ATP6V1C1: variants seen among roughly 807,000 people sequenced by gnomAD.
ATP6V1C1 encodes V-type proton ATPase subunit C 1.
A neutral mutation model predicts 53.9 loss-of-function variants in ATP6V1C1; 45 were observed. The observed-to-expected ratio is 0.83, with a 90% confidence interval of 0.66 to 1.07. The LOEUF is 1.07. Ranked by LOEUF, ATP6V1C1 falls within the 50% of genes least tolerant of loss-of-function variation. ATP6V1C1 has a pLI of 0.00. For synonymous variants in ATP6V1C1, 153 were observed against 155.2 expected (o/e 0.99, Z 0.11); for missense variants, 315 against 440.3 (o/e 0.72, Z 2.55).
At position 103,063,160 on chromosome 8, in the gene ATP6V1C1, A is replaced by G; in HGVS notation, c.760A>G (p.Asn254Asp). The change falls in exon 10 of 13, where the codon AAT becomes GAT. Residue 254 changes from asparagine to aspartate, a missense_variant. Transcript: ENST00000518738. ...ATTCATTGTTCGTGACTTCCAGTATAATGAAGAGGAGATGAAAGCAGATAA... is the reference window on the plus strand; with the variant it reads ...ATTCATTGTTCGTGACTTCCAGTATGATGAAGAGGAGATGAAAGCAGATAA... ...NKFIVRDFQY[N>D]EEEMKADKEE... The G allele has an allele frequency of 6.2e-7, 1 of 1,613,286 alleles. No individual in the cohort carries two copies. The highest frequency in any genetic ancestry group is 8.5e-7 in the Non-Finnish European group (1 of 1,179,612).
chr8:103,068,434 T>G (rs1184757483), intron 12 of ATP6V1C1, among the ~76,000 whole-genome samples: 2 of 152,202 alleles, frequency 1.3e-5, no homozygotes, highest in African/African-American at 4.8e-5. Context: ...GAACCTGGCT[T>G]TACCACTCAC....
At chr8:103,063,113 G>GTTT in intron 9 of ATP6V1C1, 22 bp from the exon 10 acceptor site, 1 of 1,606,934 alleles carries the variant, frequency 6.2e-7, no homozygotes, top group Non-Finnish European at 8.5e-7. Flanking sequence ...GAACAATTTT[G>GTTT]TTTTTTTTCC....
At chr8:103,032,901 C>CT (rs1189077212) in intron 1 of ATP6V1C1, among the ~76,000 whole-genome samples, 1 of 152,100 alleles carries the variant, frequency 6.6e-6, no homozygotes, top group Non-Finnish European at 1.5e-5. Flanking sequence ...CATAGAATCT[C>CT]TATTCTTAGT....
At chr8:103,062,900 T>G (rs561275244) in intron 8 of ATP6V1C1, 55 bp from the exon 9 acceptor site, 2 of 1,517,920 alleles carry the variant, frequency 1.3e-6, no homozygotes, top group Non-Finnish European at 1.8e-6. Context: ...TTGCCCTTAA[T>G]ATGAAAGACA....
chr8:103,021,762 A>G (rs892680954), intron 1 of ATP6V1C1, among the ~76,000 whole-genome samples: 2 of 152,162 alleles, frequency 1.3e-5, no homozygotes, highest in Admixed American at 1.3e-4. Flanking sequence ...AGGAATCCAG[A>G]GAACTCAACT....
chr8:103,042,449 A>G (rs1586315280), intron 3 of ATP6V1C1, 42 bp downstream of exon 3: 1 of 1,577,582 alleles, frequency 6.3e-7, no homozygotes, highest in African/African-American at 1.4e-5. Context: ...AATGGGAGAC[A>G]CTATTATCAG....
intron 1 of ATP6V1C1, among the ~76,000 whole-genome samples, chr8:103,038,906 TCTG>T (rs1816944930): frequency 1.3e-5 from 2 of 152,234 alleles, no homozygotes; most frequent in African/African-American, 4.8e-5. Context: ...TGTGCTGTTC[TCTG>T]ACCAGACGGG....
At chr8:103,026,103 G>A (rs1313104899) in intron 1 of ATP6V1C1, among the ~76,000 whole-genome samples, 1 of 152,236 alleles carries the variant, frequency 6.6e-6, no homozygotes. Context: ...CAGAGGAGGA[G>A]TCTCTAGAAG....
At chr8:103,033,865 A>G (rs985814020) in intron 1 of ATP6V1C1, among the ~76,000 whole-genome samples, 1 of 152,246 alleles carries the variant, frequency 6.6e-6, no homozygotes, top group Non-Finnish European at 1.5e-5. Context: ...GTTGGCTGCT[A>G]TGAACATTTG....
chr8:103,042,450 C>G (rs746705001), intron 3 of ATP6V1C1, 43 bp downstream of exon 3: 1 of 1,572,312 alleles, frequency 6.4e-7, no homozygotes, highest in Non-Finnish European at 8.7e-7. Context: ...ATGGGAGACA[C>G]TATTATCAGG....
chr8:103,036,732 T>C (rs888224797), intron 1 of ATP6V1C1, among the ~76,000 whole-genome samples: 1 of 152,194 alleles, frequency 6.6e-6, no homozygotes, highest in Non-Finnish European at 1.5e-5. Context: ...AGAAAAGATT[T>C]TCTGGAACTC....
intron 12 of ATP6V1C1, among the ~76,000 whole-genome samples, chr8:103,067,400 A>G (rs1395774754): frequency 6.6e-6 from 1 of 150,614 alleles, no homozygotes; most frequent in African/African-American, 2.4e-5. Context: ...CCGTCCCAAA[A>G]AAAAAAAAAA....
intron 8 of ATP6V1C1, among the ~76,000 whole-genome samples, chr8:103,062,174 T>TG (rs1417986386): frequency 6.0e-5 from 8 of 132,638 alleles, no homozygotes; most frequent in Non-Finnish European, 1.1e-4. Context: ...TTTTTTTTTT[T>TG]TTTTTTTTTT....
intron 2 of ATP6V1C1, 43 bp from the exon 3 acceptor site, chr8:103,042,297 T>TA (rs142055270): frequency 3.8e-5 from 57 of 1,486,306 alleles, no homozygotes; most frequent in Non-Finnish European, 5.0e-5. Flanking sequence ...TTTTTTTTTT[T>TA]AAAAAAGCAT....
chr8:103,041,332 A>G (rs2131389099), intron 2 of ATP6V1C1, among the ~76,000 whole-genome samples: 2 of 152,200 alleles, frequency 1.3e-5, no homozygotes, highest in East Asian at 3.8e-4. Context: ...TTACATTGTA[A>G]ATGTGTTACC....
intron 8 of ATP6V1C1, among the ~76,000 whole-genome samples, chr8:103,059,028 T>A (rs974645718): frequency 6.6e-6 from 1 of 152,030 alleles, no homozygotes; most frequent in Non-Finnish European, 1.5e-5. Context: ...ATAGTCTGAT[T>A]GAGTCAGATC....
chr8:103,066,023 A>G (rs1431980958), intron 11 of ATP6V1C1, among the ~76,000 whole-genome samples: 1 of 152,146 alleles, frequency 6.6e-6, no homozygotes, highest in Non-Finnish European at 1.5e-5. Context: ...GCCTGGCAAC[A>G]GTAAGAATCC....
chr8:103,063,356 T>A lies in ATP6V1C1; in HGVS notation c.828+128T>A, dbSNP rs181925785. ...GACATTTGATTTTAGTTTTTTTTTT[T>A]AATTGAATAATCAGAATGAATTTCC... On this transcript the variant is annotated intron_variant, in intron 10 of 12. Transcript: ENST00000518738. 1.1e-3 allele frequency: 682 copies of A among 610,828 alleles called. 3 individuals are homozygous for A. The African/African-American group carries it at 0.012, about 10-fold the overall frequency. 37.8% of individuals were successfully genotyped at this position (610,828 alleles called of 1,614,324 possible). A position where few individuals can be genotyped will look rare whatever the true frequency, so the allele number is the denominator to read the frequency against.
In ATP6V1C1 at chr8:103,026,317, C is replaced by T. The variant is rs530377321; in HGVS notation, c.-40+5092C>T. Among the ~76,000 whole-genome samples the T allele has an allele frequency of 2.5e-4, 38 of 152,220 alleles. 1 individual carries two copies. The highest frequency in any genetic ancestry group is 2.2e-3 in the Admixed American group (34 of 15,292). On this transcript the variant is annotated intron_variant, in intron 1 of 12. Coordinates refer to ENST00000518738, the MANE Select transcript of ATP6V1C1 (RefSeq NM_001695.5). ...GTATCTGTGTGAAAGTAAGGCTTTG[C>T]TTTTACAGATTGCTTTCTAGGCAAA... is the stretch of plus-strand genomic sequence containing the variant.
Sources: gnomAD v4.1 joint callset for allele counts (sites outside exome capture counted in the v4.1 genomes callset) on GRCh38, gnomAD v4.1.1 for gene constraint, MANE v1.5 for transcripts, NCBI Gene and HGNC (gene_info 2026-07-23, HGNC 2026-07-21) for gene names.